The following ZNF155 variants were observed in gnomAD, a reference collection of about 807,000 sequenced individuals.
ZNF155 encodes the protein zinc finger protein 155, also known as KRAB A domain.
A neutral mutation model predicts 11.9 loss-of-function variants in ZNF155; 15 were observed. That is an observed-to-expected ratio of 1.26 (90% CI 0.84 to 1.94). The LOEUF is 1.94. ZNF155 is among the 30% of genes most tolerant of loss of function. ZNF155 has a pLI of 0.00. For synonymous variants in ZNF155, 212 were observed against 219.9 expected (o/e 0.96, Z 0.32); for missense variants, 602 against 639.1 (o/e 0.94, Z 0.63).
At position 43,997,446 on chromosome 19, in the gene ZNF155, T is replaced by C; in HGVS notation, c.1589T>C (p.Leu530Pro). 1.3e-6 allele frequency: 2 copies of C among 1,598,340 alleles called. No individual in the cohort carries two copies. Among genetic ancestry groups the C allele is most frequent in the Non-Finnish European group, 1.7e-6 (2 of 1,176,038 alleles). ...RYKRRLNLDI[L>P]LSLFLNDT ...AAGAGGCGCTTGAATCTGGATATACTTTTATCATTATTTCTAAATGACACA... is the reference window on the plus strand; with the variant it reads ...AAGAGGCGCTTGAATCTGGATATACCTTTATCATTATTTCTAAATGACACA... The change falls in exon 5 of 5, where the codon CTT becomes CCT. Residue 530 changes from leucine (L) to proline (P), a missense_variant. Transcript: ENST00000270014.
chr19:43,987,359 C>G (rs1401388146), intron 1 of ZNF155, among the ~76,000 whole-genome samples: 2 of 152,102 alleles, frequency 1.3e-5, no homozygotes, highest in Admixed American at 6.6e-5. Context: ...GATTTCACAG[C>G]CTTTTTCTTT....
intron 4 of ZNF155, among the ~76,000 whole-genome samples, chr19:43,993,842 A>ATTTAC (rs1975745600): frequency 6.6e-6 from 1 of 152,212 alleles, no homozygotes; most frequent in Non-Finnish European, 1.5e-5. Flanking sequence ...CATTGGAAGA[A>ATTTAC]TTTACTTAAT....
Position 43,996,777 on chromosome 19 carries a change from C to A in ZNF155, c.920C>A (p.Ser307Tyr), listed in dbSNP as rs754338103. The A allele has an allele frequency of 6.2e-7, 1 of 1,613,964 alleles. No homozygotes were observed. Residue 307 changes from serine (S) to tyrosine (Y), a missense_variant, in exon 5 of 5, where the codon TCC (serine) becomes TAC (tyrosine). Transcript: ENST00000270014. ...FYFRSRLKSH[S>Y]MVHTGEKPFR... is the part of the protein sequence containing the mutation. Reference sequence around the variant, plus strand: ...TTTAGGTCAAGACTTAAGAGCCATTCCATGGTTCACACAGGAGAAAAACCA... The same window carrying A: ...TTTAGGTCAAGACTTAAGAGCCATTACATGGTTCACACAGGAGAAAAACCA...
chr19:43,996,154 C>G lies in ZNF155; in HGVS notation c.297C>G (p.Ser99=). The change falls in exon 5 of 5, where the codon TCC becomes TCG. Residue 99 remains serine, a synonymous_variant. Transcript: ENST00000270014. ...AAGCAGGAGCACATGAAGAGTGGTC[C>G]TGCCAGCAAATCTGGGAACAAATTG... ...VPEAGAHEEW[S]CQQIWEQIAK... 1 of 1,613,848 alleles carries G rather than the reference C, an allele frequency of 6.2e-7. No individual in the cohort carries two copies. The highest frequency in any genetic ancestry group is 1.1e-5 in the South Asian group (1 of 91,044).
Position 43,996,389 on chromosome 19 carries a change from T to C in ZNF155, c.532T>C (p.Cys178Arg), listed in dbSNP as rs2147402372. 6.2e-7 allele frequency: 1 copy of C among 1,614,174 alleles called. No homozygotes were observed. The highest frequency in any genetic ancestry group is 1.3e-5 in the African/African-American group (1 of 75,042). Residue 178 changes from cysteine to arginine, a missense_variant, in exon 5 of 5, where the codon TGT becomes CGT. Transcript: ENST00000270014. ...QLYSEEKSYT[C>R]DECGKSICYI... ...ATACTCAGAAGAGAAGTCTTATACA[T>C]GTGATGAGTGTGGAAAAAGCATCTG...
In ZNF155 at chr19:43,997,293, G is replaced by GC. The variant is rs754730115; in HGVS notation, c.1438dup (p.Gln480ProfsTer8). ...ATTTTGAATCATAAGAGACTCCACT[G>GC]CCAGAAAAAACCATTCAAATGTGAG... On this transcript the variant is annotated frameshift_variant, in exon 5 of 5. Transcript: ENST00000270014. LOFTEE classifies it low-confidence loss of function (END_TRUNC). 21 of 1,613,958 alleles carry GC rather than the reference G, an allele frequency of 1.3e-5. No individual in the cohort carries two copies. Among genetic ancestry groups the GC allele is most frequent in the Non-Finnish European group, 1.7e-5 (20 of 1,180,004 alleles).
At chr19:43,990,540 C>T (rs761598474) in intron 2 of ZNF155, among the ~76,000 whole-genome samples, 1 of 152,186 alleles carries the variant, frequency 6.6e-6, no homozygotes, top group Non-Finnish European at 1.5e-5. Context: ...ATGTCTAAGG[C>T]CACACAGTTA....
At position 43,996,247 on chromosome 19, in the gene ZNF155, C is replaced by T. The variant is rs1288210401; in HGVS notation, c.390C>T (p.Val130=). The change falls in exon 5 of 5, where the codon GTC becomes GTT. Residue 130 remains valine, a synonymous_variant. Transcript: ENST00000270014. The stretch of plus-strand genomic sequence containing the variant: ...CTCAGTTCTTTGAAAATGGTGATGT[C>T]CCCTCCCAGGTTGAAGCAGGACTAC... The part of the protein sequence containing the change: ...NNSQFFENGD[V]PSQVEAGLPT... The T allele has an allele frequency of 1.9e-6, 3 of 1,614,152 alleles. No homozygotes were observed. Among genetic ancestry groups the T allele is most frequent in the East Asian group, 2.2e-5 (1 of 44,878 alleles).
chr19:43,997,534 T>A lies in ZNF155; in HGVS notation c.*60T>A, dbSNP rs1482480220. On this transcript the variant is annotated 3_prime_UTR_variant, in exon 5 of 5. Coordinates refer to ENST00000270014, the MANE Select transcript of ZNF155 (RefSeq NM_198089.3). Reference sequence around the variant, plus strand: ...AATGTGTGCATACAATTTATAGTGATCCAATCAGTGTAATTGGTGTATCTG... The same window carrying A: ...AATGTGTGCATACAATTTATAGTGAACCAATCAGTGTAATTGGTGTATCTG... The A allele has an allele frequency of 6.0e-6, 8 of 1,340,216 alleles. No individual in the cohort carries two copies. In the East Asian group the frequency reaches 1.9e-4, roughly 32 times the overall value. The allele number at this position is 1,340,216 out of a possible 1,614,324, so 83.0% of individuals were successfully genotyped here.
At position 43,996,924 on chromosome 19, in the gene ZNF155, G is replaced by A; in HGVS notation, c.1067G>A (p.Arg356Lys). The change falls in exon 5 of 5, where the codon AGG becomes AAG. Residue 356 changes from arginine to lysine, a missense_variant. Arg to Lys is a conservative substitution (Grantham distance 26). Transcript: ENST00000270014. ...CAGTGTGGAAAAGGCTTTATTGGTA[G>A]GCTAGATTTTTATAAGCATCAGGTG... ...CEQCGKGFIGRLDFYKHQVVH... is the reference protein window; with the variant it reads ...CEQCGKGFIGKLDFYKHQVVH... 1.2e-6 allele frequency: 2 copies of A among 1,614,060 alleles called. No individual in the cohort carries two copies. The highest frequency in any genetic ancestry group is 8.5e-7 in the Non-Finnish European group (1 of 1,179,984).
chr19:43,984,530 C>T (rs530235908), intron 1 of ZNF155, among the ~76,000 whole-genome samples: 3 of 152,068 alleles, frequency 2.0e-5, no homozygotes, highest in African/African-American at 7.2e-5. Context: ...TCGTTCAGTC[C>T]GCCTCCCTCC....
intron 2 of ZNF155, among the ~76,000 whole-genome samples, chr19:43,991,217 T>A (rs1428575261): frequency 1.3e-5 from 2 of 152,152 alleles, no homozygotes; most frequent in Non-Finnish European, 2.9e-5. Flanking sequence ...TTGTTTAATG[T>A]TGCTGGGGCA....
intron 4 of ZNF155, among the ~76,000 whole-genome samples, chr19:43,992,639 G>A (rs923124762): frequency 3.8e-4 from 58 of 152,186 alleles, no homozygotes; most frequent in African/African-American, 1.4e-3. Context: ...CTAAGCCTCT[G>A]CCTTCTACCT....
At chr19:43,994,910 A>G (rs1975780535) in intron 4 of ZNF155, among the ~76,000 whole-genome samples, 1 of 152,146 alleles carries the variant, frequency 6.6e-6, no homozygotes, top group Non-Finnish European at 1.5e-5. Context: ...TGACATGGAG[A>G]GGAGCATCTC....
chr19:43,993,017 A>G (rs1975718600), intron 4 of ZNF155, among the ~76,000 whole-genome samples: 1 of 152,172 alleles, frequency 6.6e-6, no homozygotes. Flanking sequence ...TTCTTTTTGA[A>G]TGAGGATTTC....
chr19:43,997,541 A>G lies in ZNF155; in HGVS notation c.*67A>G. ...GCATACAATTTATAGTGATCCAATCAGTGTAATTGGTGTATCTGTTACCTC... is the reference window on the plus strand; with the variant it reads ...GCATACAATTTATAGTGATCCAATCGGTGTAATTGGTGTATCTGTTACCTC... On this transcript the variant is annotated 3_prime_UTR_variant, in exon 5 of 5. Coordinates refer to ENST00000270014, the MANE Select transcript of ZNF155 (RefSeq NM_198089.3). 2 of 1,295,854 alleles carry G rather than the reference A, an allele frequency of 1.5e-6. No individual in the cohort carries two copies. Among genetic ancestry groups the G allele is most frequent in the Non-Finnish European group, 2.1e-6 (2 of 954,760 alleles). 80.3% of individuals were successfully genotyped at this position (1,295,854 alleles called of 1,614,324 possible).
chr19:43,995,301 G>A (rs1480025178), intron 4 of ZNF155, among the ~76,000 whole-genome samples: 3 of 151,782 alleles, frequency 2.0e-5, no homozygotes, highest in Admixed American at 1.3e-4. Context: ...TAGCAGAGAC[G>A]GGGTTTCAAG....
chr19:43,986,403 A>C (rs1975443285), intron 1 of ZNF155, among the ~76,000 whole-genome samples: 1 of 151,816 alleles, frequency 6.6e-6, no homozygotes, highest in Non-Finnish European at 1.5e-5. Context: ...ATAAACTAGT[A>C]AACTGCCATA....
intron 1 of ZNF155, among the ~76,000 whole-genome samples, chr19:43,987,902 G>A (rs1975517482): frequency 6.6e-6 from 1 of 152,086 alleles, no homozygotes; most frequent in Non-Finnish European, 1.5e-5. Flanking sequence ...TGATCTTCAG[G>A]AATTTCACAT....
Sources: allele counts gnomAD v4.1 joint callset (sites outside exome capture counted in the v4.1 genomes callset), GRCh38; gene constraint gnomAD v4.1.1; transcripts MANE v1.5; gene names NCBI Gene and HGNC (gene_info 2026-07-23, HGNC 2026-07-21).